The following FN1 variants were observed in gnomAD, a reference collection of about 807,000 sequenced individuals.
FN1 encodes the protein fibronectin.
A neutral mutation model predicts 297.3 loss-of-function variants in FN1; 106 were observed. The ratio of observed to expected loss-of-function variants is 0.36; its 90% CI spans 0.30 to 0.42. The LOEUF is 0.42. FN1 is among the 10% of genes least tolerant of loss of function. The pLI, the probability that FN1 is intolerant of heterozygous loss-of-function variation, is 1.00. For synonymous variants in FN1, 1,149 were observed against 1,152.6 expected (o/e 1.00, Z 0.06); for missense variants, 2,690 against 3,124.9 (o/e 0.86, Z 3.32).
rs768392132 is a variant in FN1, at chr2:215,379,221, C to T, written c.5531G>A (p.Arg1844Gln). 6 of 1,613,910 alleles carry T rather than the reference C, an allele frequency of 3.7e-6. No homozygotes were observed. Among genetic ancestry groups the T allele is most frequent in the Admixed American group, 3.3e-5 (2 of 59,982 alleles). Reference protein sequence around the residue: ...TPPNVQLTGYRVRVTPKEKTG... With the variant: ...TPPNVQLTGYQVRVTPKEKTG... ...CTTCTCCTTGGGGGTCACCCGCACT[C>T]GATATCCAGTGAGCTGAACATTGGG... Residue 1844 changes from arginine (R) to glutamine (Q), a missense_variant, in exon 34 of 46, where the codon CGA becomes CAA. Physicochemically the swap from Arg to Gln is conservative, Grantham distance 43 (BLOSUM62 1). This residue lies in a region of FN1 where 1,743 missense variants were observed against 1,945.2 expected (regional missense o/e 0.90). Coordinates refer to ENST00000354785, the MANE Select transcript of FN1 (RefSeq NM_212482.4).
At chr2:215,420,852 T>C in intron 10 of FN1, 51 bp from the exon 11 acceptor site, 1 of 1,588,460 alleles carries the variant, frequency 6.3e-7, no homozygotes, top group Non-Finnish European at 8.6e-7. Context: ...GTTCCATTGA[T>C]GAAAGAAAAA....
intron 12 of FN1, among the ~76,000 whole-genome samples, chr2:215,415,722 T>C (rs1304533880): frequency 6.6e-6 from 1 of 152,128 alleles, no homozygotes; most frequent in East Asian, 1.9e-4. Flanking sequence ...ATATCACTGT[T>C]ATCAACAAAA....
intron 29 of FN1, 94 bp downstream of exon 29, chr2:215,384,766 G>A (rs2058686057): frequency 2.2e-6 from 2 of 902,160 alleles, no homozygotes; most frequent in South Asian, 1.4e-5. Flanking sequence ...ACTTGCCAAA[G>A]TTTCTTTAAT....
chr2:215,385,363 A>G (rs1353129522), intron 28 of FN1, among the ~76,000 whole-genome samples: 2 of 151,648 alleles, frequency 1.3e-5, no homozygotes, highest in African/African-American at 2.4e-5. Flanking sequence ...GGAGTTCAAA[A>G]CCAGCCTGGC....
At chr2:215,409,201 C>G (rs948607897) in intron 15 of FN1, among the ~76,000 whole-genome samples, 3 of 152,102 alleles carry the variant, frequency 2.0e-5, no homozygotes, top group Non-Finnish European at 2.9e-5. Flanking sequence ...TTTTTAAAGG[C>G]CCCTCACCAT....
rs756946405 is a variant in FN1, at chr2:215,372,358, C to T, written c.6265G>A (p.Val2089Ile). ...RKKTDELPQLVTLPHPNLHGP... is the reference protein window; with the variant it reads ...RKKTDELPQLITLPHPNLHGP... ...TGAAGATTGGGGTGTGGAAGGGTTA[C>T]CAGTTGGGGAAGCTCGTCTAGCCGA... The change falls in exon 40 of 46, where the codon GTA becomes ATA. Residue 2089 changes from valine (V) to isoleucine (I), a missense_variant. Val to Ile is a conservative substitution (Grantham distance 29). Around this residue, in one of 3 missense-constraint regions of FN1, gnomAD observed 1,743 missense variants for 1,945.2 expected, o/e 0.90. Coordinates refer to ENST00000354785, the MANE Select transcript of FN1 (RefSeq NM_212482.4). 2.5e-6 allele frequency: 4 copies of T among 1,614,082 alleles called. No individual in the cohort carries two copies. The highest frequency in any genetic ancestry group is 2.2e-5 in the East Asian group (1 of 44,882).
At position 215,431,841 on chromosome 2, in the gene FN1, T is replaced by C. The variant is rs748130725; in HGVS notation, c.539A>G (p.Lys180Arg). 6.2e-7 allele frequency: 1 copy of C among 1,614,172 alleles called. No individual in the cohort carries two copies. Among genetic ancestry groups the C allele is most frequent in the South Asian group, 1.1e-5 (1 of 91,090 alleles). Residue 180 changes from lysine to arginine, a missense_variant, in exon 4 of 46, where the codon AAG becomes AGG. Physicochemically the swap from Lys to Arg is conservative, Grantham distance 26 (BLOSUM62 2). Around this residue, in one of 3 missense-constraint regions of FN1, gnomAD observed 876 missense variants for 1,058.1 expected, o/e 0.83. Coordinates refer to ENST00000354785, the MANE Select transcript of FN1 (RefSeq NM_212482.4). ...CCCTAAGACTCACACACCTATGGGC[T>C]TGCAGGTCCATTCTCCTTTTCCATT... ...LGNGKGEWTCKPIAEKCFDHA... is the reference protein window; with the variant it reads ...LGNGKGEWTCRPIAEKCFDHA...
At position 215,384,925 on chromosome 2, in the gene FN1, AGGC is replaced by A; in HGVS notation, c.4661_4663del (p.Ser1554_Leu1555delinsIle). ...AGCAGGAGCATCCCAGCTGATCAGT[AGGC>A]TGGTGGGGGTCGCAGCAACAACTTC... is the stretch of plus-strand genomic sequence containing the variant. On this transcript the variant is annotated inframe_deletion, in exon 29 of 46. Transcript: ENST00000354785. 6.2e-7 allele frequency: 1 copy of A among 1,614,044 alleles called. No homozygotes were observed.
At chr2:215,369,761 A>AAAAAAATGG (rs1469502532) in intron 41 of FN1, among the ~76,000 whole-genome samples, 39 of 152,278 alleles carry the variant, frequency 2.6e-4, no homozygotes, top group African/African-American at 9.1e-4. Context: ...ATAACATTGG[A>AAAAAAATGG]AAAAAATGGA....
chr2:215,378,917 A>C (rs1007898082), intron 34 of FN1, among the ~76,000 whole-genome samples: 1 of 152,222 alleles, frequency 6.6e-6, no homozygotes, highest in African/African-American at 2.4e-5. Flanking sequence ...GCTGCACAAA[A>C]TCCAAAGCTA....
intron 12 of FN1, 123 bp downstream of exon 12, chr2:215,419,119 A>T: frequency 2.6e-6 from 2 of 762,446 alleles, no homozygotes; most frequent in South Asian, 3.1e-5. Flanking sequence ...ATTAGATAAT[A>T]ACAAGAGAAA....
intron 20 of FN1, among the ~76,000 whole-genome samples, chr2:215,403,638 T>A (rs751146814): frequency 6.6e-6 from 1 of 152,220 alleles, no homozygotes; most frequent in Non-Finnish European, 1.5e-5. Flanking sequence ...AATCGGTTTG[T>A]GAATAGAGGT....
At position 215,430,838 on chromosome 2, in the gene FN1, C is replaced by G; in HGVS notation, c.562G>C (p.Asp188His). The change falls in exon 5 of 46, where the codon GAT becomes CAT. Residue 188 changes from aspartate to histidine, a missense_variant. Asp to His is a moderately conservative substitution (Grantham distance 81). This residue lies in a region of FN1 where 876 missense variants were observed against 1,058.1 expected (regional missense o/e 0.83). Transcript: ENST00000354785. ...ACATAGGAAGTCCCAGCAGCATGAT[C>G]AAAACACTTCTCAGCTGTAGGGAAA... The part of the protein sequence containing the change: ...TCKPIAEKCF[D>H]HAAGTSYVVG... 6.2e-7 allele frequency: 1 copy of G among 1,614,014 alleles called. No individual in the cohort carries two copies. The highest frequency in any genetic ancestry group is 8.5e-7 in the Non-Finnish European group (1 of 1,179,980).
Position 215,397,132 on chromosome 2 carries a change from C to G in FN1, c.3604+5G>C, listed in dbSNP as rs1248329621. On this transcript the variant is annotated splice_donor_5th_base_variant and intron_variant, in intron 23 of 45. Transcript: ENST00000354785. ...TACTTGCCCTCTGATCCATCCCAAA[C>G]TTACCTGGGGTGGTGCTCCTCTCCC... 1 of 1,606,458 alleles carries G rather than the reference C, an allele frequency of 6.2e-7. No individual in the cohort carries two copies. The highest frequency in any genetic ancestry group is 1.1e-5 in the South Asian group (1 of 90,938).
Position 215,379,245 on chromosome 2 carries a change from G to C in FN1, c.5507C>G (p.Pro1836Arg). Reference sequence around the variant, plus strand: ...TCGATATCCAGTGAGCTGAACATTGGGTGGTGTCCACTGGGCGCTCAGGCT... The same window carrying C: ...TCGATATCCAGTGAGCTGAACATTGCGTGGTGTCCACTGGGCGCTCAGGCT... ...PTSLSAQWTP[P>R]NVQLTGYRVR... The change falls in exon 34 of 46, where the codon CCC becomes CGC. Residue 1836 changes from proline (P) to arginine (R), a missense_variant. Pro to Arg is a moderately radical substitution (Grantham distance 103). This residue lies in a region of FN1 where 1,743 missense variants were observed against 1,945.2 expected (regional missense o/e 0.90). Coordinates refer to ENST00000354785, the MANE Select transcript of FN1 (RefSeq NM_212482.4). The C allele has an allele frequency of 6.2e-7, 1 of 1,614,062 alleles. No homozygotes were observed. Among genetic ancestry groups the C allele is most frequent in the South Asian group, 1.1e-5 (1 of 91,078 alleles).
intron 6 of FN1, among the ~76,000 whole-genome samples, chr2:215,426,880 T>C (rs1385316736): frequency 1.3e-5 from 2 of 152,086 alleles, no homozygotes; most frequent in Non-Finnish European, 2.9e-5. Flanking sequence ...TTTTTTATTT[T>C]ATTTTATTTT....
intron 28 of FN1, 119 bp downstream of exon 28, chr2:215,386,570 T>C (rs2059031738): frequency 8.9e-5 from 2 of 22,540 alleles, no homozygotes; most frequent in Non-Finnish European, 1.9e-4. Flanking sequence ...AATGATCTAT[T>C]TTTTTTTTTT....
Position 215,384,158 on chromosome 2 carries a change from T to G in FN1, c.4756A>C (p.Thr1586Pro). 6.2e-7 allele frequency: 1 copy of G among 1,614,138 alleles called. No homozygotes were observed. Among genetic ancestry groups the G allele is most frequent in the Non-Finnish European group, 8.5e-7 (1 of 1,179,996 alleles). Residue 1586 changes from threonine to proline, a missense_variant, in exon 30 of 46, where the codon ACT (threonine) becomes CCT (proline). Thr to Pro is a conservative substitution (Grantham distance 38). Transcript: ENST00000354785. Reference protein sequence around the residue: ...TGGNSPVQEFTVPGSKSTATI... With the variant: ...TGGNSPVQEFPVPGSKSTATI... ...GCTGTAGACTTGCTCCCAGGCACAG[T>G]GAACTCCTGGACAGGGCTATTTCCT...
At chr2:215,395,247 A>G (rs948364910) in intron 23 of FN1, among the ~76,000 whole-genome samples, 7 of 152,176 alleles carry the variant, frequency 4.6e-5, no homozygotes, top group Non-Finnish European at 1.0e-4. Flanking sequence ...GAAAGGAGAA[A>G]AGGTGAGAAA....
Sources: gnomAD v4.1 joint callset for allele counts (sites outside exome capture counted in the v4.1 genomes callset) on GRCh38, gnomAD v4.1.1 for gene constraint, gnomAD v4.1.1 regional missense constraint, MANE v1.5 for transcripts, NCBI Gene and HGNC (gene_info 2026-07-23, HGNC 2026-07-21) for gene names.